The following KLRG1 variants were observed in gnomAD, a reference collection of about 807,000 sequenced individuals.
The protein encoded by KLRG1 is killer cell lectin like receptor G1.
Under a neutral mutation model 21.8 loss-of-function variants are expected in KLRG1, and 16 were observed. The ratio of observed to expected loss-of-function variants is 0.73; its 90% CI spans 0.50 to 1.11. The LOEUF (loss-of-function observed/expected upper bound fraction) is 1.11. Ranked by LOEUF, KLRG1 falls within the 50% of genes most tolerant of loss-of-function variation. The pLI is 0.00. For missense variants in KLRG1, 173 were observed against 218.3 expected (o/e 0.79, Z 1.31); for synonymous variants, 69 against 75.9 (o/e 0.91, Z 0.47).
At chr12:9,127,849 C>T in the KLRG1 span, 1 of 243,520 alleles carries the variant, frequency 4.1e-6, no homozygotes, top group Non-Finnish European at 8.4e-6. Flanking sequence ...TGAAGATCTG[C>T]GACTGGGCCC....
At chr12:9,136,778 G>A in the KLRG1 span, among the ~76,000 whole-genome samples, 232 of 152,108 alleles carry the variant, frequency 1.5e-3, 3 homozygotes, top group East Asian at 0.043. Flanking sequence ...CTGATTAGTG[G>A]CATTGAGCAT....
chr12:9,094,152 C>T, the KLRG1 span, among the ~76,000 whole-genome samples: 25 of 152,134 alleles, frequency 1.6e-4, no homozygotes, highest in African/African-American at 6.0e-4. Flanking sequence ...CAAGGAAAAA[C>T]TGACACACAT....
At chr12:9,040,128 A>G in the KLRG1 span, among the ~76,000 whole-genome samples, 2 of 152,234 alleles carry the variant, frequency 1.3e-5, no homozygotes, top group East Asian at 1.9e-4. Context: ...AAAGTAGGAG[A>G]GAAGTAGGAT....
At chr12:9,039,458 CT>C in the KLRG1 span, among the ~76,000 whole-genome samples, 1 of 145,268 alleles carries the variant, frequency 6.9e-6, no homozygotes, top group Non-Finnish European at 1.5e-5. Context: ...TAATTTTATG[CT>C]TTTTTAAAAA....
At chr12:9,125,598 A>G in the KLRG1 span, among the ~76,000 whole-genome samples, 2 of 152,226 alleles carry the variant, frequency 1.3e-5, no homozygotes, top group Admixed American at 1.3e-4. Context: ...TCATTCTGAA[A>G]TATTATACAT....
At chr12:9,068,235 A>G in the KLRG1 span, 2 of 1,605,142 alleles carry the variant, frequency 1.2e-6, no homozygotes, top group Middle Eastern at 1.7e-4. Context: ...CTGAAAAAAA[A>G]AAAACCAACA....
the KLRG1 span, chr12:9,202,772 T>G: frequency 2.8e-5 from 36 of 1,298,402 alleles, no homozygotes; most frequent in Admixed American, 1.6e-4. Context: ...CTATCTCTCC[T>G]TCAGCTTCAC....
At chr12:9,118,447 A>G in the KLRG1 span, among the ~76,000 whole-genome samples, 1 of 152,208 alleles carries the variant, frequency 6.6e-6, no homozygotes, top group Admixed American at 6.5e-5. Flanking sequence ...GACTAGTGAT[A>G]GGTACTGCTG....
At chr12:9,068,038 A>G in the KLRG1 span, 1 of 1,057,164 alleles carries the variant, frequency 9.5e-7, no homozygotes, top group Non-Finnish European at 1.4e-6. Flanking sequence ...GCCCTCTCCA[A>G]TAAATGTGTT....
At chr12:9,066,652 A>C in the KLRG1 span, 1 of 152,252 alleles carries the variant, frequency 6.6e-6, no homozygotes, top group African/African-American at 2.4e-5. Flanking sequence ...GGAAAGCGAC[A>C]CCCTAAAGAT....
the KLRG1 span, chr12:9,169,306 T>G: frequency 1.2e-5 from 12 of 1,008,970 alleles, no homozygotes; most frequent in Non-Finnish European, 1.7e-5. Context: ...ATTGGCTTCA[T>G]TTTTGTCTGC....
chr12:9,106,149 C>G, the KLRG1 span: 1 of 737,886 alleles, frequency 1.4e-6, no homozygotes, highest in Non-Finnish European at 2.3e-6. Flanking sequence ...ATAACATTAA[C>G]CAGGCATGGT....
chr12:9,177,254 C>G, the KLRG1 span, among the ~76,000 whole-genome samples: 1 of 152,222 alleles, frequency 6.6e-6, no homozygotes, highest in Admixed American at 6.5e-5. Context: ...GGATCACATG[C>G]TCTGGAGAAA....
intron 1 of KLRG1, among the ~76,000 whole-genome samples, chr12:8,983,199 T>C (rs184528810): frequency 1.3e-5 from 2 of 152,212 alleles, no homozygotes; most frequent in Admixed American, 1.3e-4. Flanking sequence ...TGCTCTTCAA[T>C]GTTTTCTGTA....
At chr12:9,171,046 T>G in the KLRG1 span, among the ~76,000 whole-genome samples, 9 of 152,292 alleles carry the variant, frequency 5.9e-5, no homozygotes, top group South Asian at 8.3e-4. Context: ...TCCTCCTGAC[T>G]GGGCGAGACC....
the KLRG1 span, among the ~76,000 whole-genome samples, chr12:9,129,170 G>A: frequency 6.6e-6 from 1 of 151,826 alleles, no homozygotes; most frequent in Non-Finnish European, 1.5e-5. Context: ...AATAACAATC[G>A]GTATTCATTA....
the KLRG1 span, among the ~76,000 whole-genome samples, chr12:9,206,214 T>G: frequency 6.6e-6 from 1 of 151,764 alleles, no homozygotes; most frequent in Non-Finnish European, 1.5e-5. Flanking sequence ...ATCAAAAAAT[T>G]TTTCCTTTAG....
At chr12:8,981,947 G>T (rs1415379141) in intron 1 of KLRG1, among the ~76,000 whole-genome samples, 1 of 152,162 alleles carries the variant, frequency 6.6e-6, no homozygotes, top group East Asian at 1.9e-4. Flanking sequence ...TGTTATATAT[G>T]CTTGATGCAA....
intron 3 of KLRG1, among the ~76,000 whole-genome samples, chr12:9,007,924 C>A (rs1947519044): frequency 6.6e-6 from 1 of 152,152 alleles, no homozygotes; most frequent in African/African-American, 2.4e-5. Flanking sequence ...TTATTTTAAT[C>A]TATTTTAATC....
Sources: allele counts gnomAD v4.1 joint callset (sites outside exome capture counted in the v4.1 genomes callset), GRCh38; gene constraint gnomAD v4.1.1; transcripts MANE v1.5; gene names NCBI Gene and HGNC (gene_info 2026-07-23, HGNC 2026-07-21).